ROBO2: variants seen among roughly 807,000 people sequenced by gnomAD.
ROBO2 encodes the protein roundabout guidance receptor 2.
A neutral mutation model predicts 160.8 loss-of-function variants in ROBO2; 53 were observed. That is an observed-to-expected ratio of 0.33 (90% CI 0.26 to 0.41). The LOEUF (loss-of-function observed/expected upper bound fraction) is 0.41, where lower values mean the gene tolerates loss of function less well. ROBO2 is among the 10% of genes least tolerant of loss of function. ROBO2 has a pLI of 1.00. For missense variants in ROBO2, 1,577 were observed against 1,722.4 expected, an observed-to-expected ratio of 0.92 and a Z score of 1.49; for synonymous variants, 664 against 611.7, an observed-to-expected ratio of 1.09 and a Z score of -1.26.
intron 1 of ROBO2, among the ~76,000 whole-genome samples, chr3:77,089,066 G>T (rs145090296): frequency 1.3e-5 from 2 of 152,082 alleles, no homozygotes; most frequent in Admixed American, 1.3e-4. Context: ...ACCAGTTTAG[G>T]TAATTGCTTA....
intron 5 of ROBO2, among the ~76,000 whole-genome samples, chr3:77,494,135 T>A (rs570469845): frequency 1.3e-5 from 2 of 152,360 alleles, no homozygotes; most frequent in South Asian, 4.1e-4. Context: ...TTTGTTGTTG[T>A]TGTTTTAACA....
At chr3:76,031,474 A>G (rs1415092387) in intron 2 of ROBO2, among the ~76,000 whole-genome samples, 1 of 152,194 alleles carries the variant, frequency 6.6e-6, no homozygotes, top group Non-Finnish European at 1.5e-5. Context: ...GTTTTTGCCC[A>G]GTCAGTAAGA....
chr3:77,164,972 G>A lies in ROBO2; in HGVS notation c.388+66632G>A, dbSNP rs1027501361. 4.7e-5 allele frequency among the ~76,000 whole-genome samples: 7 copies of A among 150,134 alleles called. 1 individual carries two copies. The highest frequency in any genetic ancestry group is 1.3e-4 in the Admixed American group (2 of 15,124). The stretch of plus-strand genomic sequence containing the variant: ...GCCCCCCAACCCGGCCAGCCGCCCC[G>A]TCCGGGAGGTGAGGGGCGCCTCTGC... On this transcript the variant is annotated intron_variant, in intron 2 of 25. Coordinates refer to ENST00000461745, the Ensembl canonical transcript of ROBO2.
intron 2 of ROBO2, among the ~76,000 whole-genome samples, chr3:77,033,087 G>A (rs1250000091): frequency 6.6e-6 from 1 of 152,148 alleles, no homozygotes; most frequent in Admixed American, 6.5e-5. Flanking sequence ...TACCTTGTGA[G>A]TAGGCACTAT....
chr3:75,996,795 GATATATGTAAATCATCA>G (rs1559816282), intron 2 of ROBO2, among the ~76,000 whole-genome samples: 2 of 149,216 alleles, frequency 1.3e-5, no homozygotes, highest in Non-Finnish European at 1.5e-5. Context: ...CATCAATTCT[GATATATGTAAATCATCA>G]ATTCTGATAT....
chr3:77,251,195 T>C (rs1289038733), intron 2 of ROBO2, among the ~76,000 whole-genome samples: 3 of 152,132 alleles, frequency 2.0e-5, no homozygotes, highest in African/African-American at 7.2e-5. Context: ...TTGGAAATCT[T>C]AGTGGAGATT....
chr3:77,152,290 C>A (rs1445736048), intron 2 of ROBO2, among the ~76,000 whole-genome samples: 1 of 152,076 alleles, frequency 6.6e-6, no homozygotes, highest in East Asian at 1.9e-4. Flanking sequence ...AAGAGGAAAA[C>A]AAAACAGCTA....
At position 76,458,116 on chromosome 3, in the gene ROBO2, C is replaced by T. The variant is rs145589274; in HGVS notation, c.109+520514C>T. On this transcript the variant is annotated intron_variant, in intron 2 of 26. Transcript: ENST00000487694. ...AGTTCTGCAGCCAGCTTGAATTTCT[C>T]AGAAGAAAATGAGTTTTTCTTTTCT... Among the ~76,000 whole-genome samples, 36 of 152,276 alleles carry T rather than the reference C, an allele frequency of 2.4e-4. No individual in the cohort carries two copies. The East Asian group carries it at 6.4e-3, about 27-fold the overall frequency.
chr3:77,035,445 C>T (rs1397952655), upstream of ROBO2, among the ~76,000 whole-genome samples: 7 of 151,520 alleles, frequency 4.6e-5, no homozygotes, highest in African/African-American at 1.7e-4. Context: ...AATGATTTTC[C>T]AAATAGATTT....
intron 2 of ROBO2, among the ~76,000 whole-genome samples, chr3:76,440,798 A>G (rs1348698380): frequency 6.6e-6 from 1 of 152,028 alleles, no homozygotes; most frequent in Non-Finnish European, 1.5e-5. Context: ...TATTTAAGGA[A>G]AACAGTCTTT....
intron 2 of ROBO2, among the ~76,000 whole-genome samples, chr3:76,691,704 A>G (rs1200443484): frequency 6.6e-6 from 1 of 152,164 alleles, no homozygotes; most frequent in African/African-American, 2.4e-5. Context: ...TCATGAGATC[A>G]ATAAACAGAG....
chr3:76,863,703 T>G (rs550634498), intron 2 of ROBO2, among the ~76,000 whole-genome samples: 1 of 152,046 alleles, frequency 6.6e-6, no homozygotes, highest in Admixed American at 6.6e-5. Flanking sequence ...TCTTAATAAA[T>G]GTTTACTGAA....
chr3:76,156,389 G>T (rs564110791), intron 2 of ROBO2, among the ~76,000 whole-genome samples: 2 of 152,272 alleles, frequency 1.3e-5, no homozygotes, highest in African/African-American at 4.8e-5. Flanking sequence ...GTACAAACTG[G>T]AACAAAACTG....
intron 2 of ROBO2, among the ~76,000 whole-genome samples, chr3:77,116,228 A>C (rs1332841428): frequency 6.6e-6 from 1 of 152,178 alleles, no homozygotes; most frequent in East Asian, 1.9e-4. Flanking sequence ...TTATAATCAC[A>C]TAGCTGTTGG....
intron 2 of ROBO2, among the ~76,000 whole-genome samples, chr3:77,339,127 C>T (rs1001544998): frequency 1.6e-4 from 24 of 151,880 alleles, no homozygotes; most frequent in Admixed American, 1.1e-3. Flanking sequence ...ACAGGAGATG[C>T]GGACATTAAG....
chr3:76,131,590 A>G (rs1448234794), intron 2 of ROBO2, among the ~76,000 whole-genome samples: 1 of 152,118 alleles, frequency 6.6e-6, no homozygotes, highest in African/African-American at 2.4e-5. Context: ...GGCAGGAATC[A>G]ACTGAGACCT....
chr3:76,445,320 A>G (rs557166062), intron 2 of ROBO2, among the ~76,000 whole-genome samples: 6 of 152,322 alleles, frequency 3.9e-5, no homozygotes, highest in Admixed American at 6.5e-5. Flanking sequence ...TTCAAATGGT[A>G]TAGTCACTTG....
chr3:76,154,404 A>G (rs2072324553), intron 2 of ROBO2, among the ~76,000 whole-genome samples: 1 of 152,138 alleles, frequency 6.6e-6, no homozygotes. Context: ...ACTACCTTGG[A>G]AAGATTAGAT....
chr3:76,153,884 C>T (rs2072303641), intron 2 of ROBO2, among the ~76,000 whole-genome samples: 1 of 151,980 alleles, frequency 6.6e-6, no homozygotes, highest in Non-Finnish European at 1.5e-5. Flanking sequence ...TGAGTAGCCC[C>T]AACACAACTG....
Sources: gnomAD v4.1 joint callset for allele counts (sites outside exome capture counted in the v4.1 genomes callset) on GRCh38, gnomAD v4.1.1 for gene constraint, MANE v1.5 for transcripts, NCBI Gene and HGNC (gene_info 2026-07-23, HGNC 2026-07-21) for gene names.